The following DAW1 variants were observed in gnomAD, a reference collection of about 807,000 sequenced individuals.
DAW1 encodes dynein assembly factor with WD repeats 1.
DAW1 carries 47 observed loss-of-function variants against 56.5 expected under a neutral mutation model. The observed-to-expected ratio is 0.83, with a 90% confidence interval of 0.66 to 1.06. The LOEUF (loss-of-function observed/expected upper bound fraction) is 1.06, where lower values mean the gene tolerates loss of function less well. Ranked by LOEUF, DAW1 falls within the 50% of genes least tolerant of loss-of-function variation. The pLI is 0.00. For missense variants in DAW1, 505 were observed against 499.3 expected, an observed-to-expected ratio of 1.01 and a Z score of -0.11; for synonymous variants, 190 against 179.0, an observed-to-expected ratio of 1.06 and a Z score of -0.49.
Position 227,904,948 on chromosome 2 carries a change from T to C in DAW1, c.668T>C (p.Ile223Thr). The change falls in exon 8 of 13, where the codon ATC (isoleucine) becomes ACC (threonine). Residue 223 changes from isoleucine (I) to threonine (T), a missense_variant. By Grantham distance (89) the Ile-to-Thr change is moderately conservative (BLOSUM62 -1). Coordinates refer to ENST00000309931, the MANE Select transcript of DAW1 (RefSeq NM_178821.3). ...TTCTAGGGACATTCTGCCGAAATCA[T>C]CTCCTTGTCATTTAACACCTCAGGA... ...YTLRGHSAEI[I>T]SLSFNTSGDR... is the part of the protein sequence containing the mutation. 6.2e-7 allele frequency: 1 copy of C among 1,613,388 alleles called. No individual in the cohort carries two copies. Among genetic ancestry groups the C allele is most frequent in the Admixed American group, 1.7e-5 (1 of 59,964 alleles).
intron 10 of DAW1, among the ~76,000 whole-genome samples, chr2:227,913,871 A>ATATC (rs559993251): frequency 0.019 from 2,788 of 143,352 alleles, 35 homozygotes; most frequent in East Asian, 0.028. Flanking sequence ...GACAGTCATC[A>ATATC]TATCTATCTA....
In DAW1 at chr2:227,903,042, C is replaced by A; in HGVS notation, c.581C>A (p.Thr194Asn). ...SFNPQSTLVA[T>N]GSMDTTAKLW... is the part of the protein sequence containing the mutation. ...AACCCTCAAAGCACATTGGTGGCGA[C>A]TGGAAGTATGGACACAACAGCCAAA... Residue 194 changes from threonine (T) to asparagine (N), a missense_variant, in exon 7 of 13, where the codon ACT becomes AAT. Physicochemically the swap from Thr to Asn is moderately conservative, Grantham distance 65 (BLOSUM62 0). Transcript: ENST00000309931. 6.2e-7 allele frequency: 1 copy of A among 1,614,150 alleles called. No individual in the cohort carries two copies. The highest frequency in any genetic ancestry group is 8.5e-7 in the Non-Finnish European group (1 of 1,180,020).
At position 227,911,264 on chromosome 2, in the gene DAW1, A is replaced by ATG. The variant is rs1225163883; in HGVS notation, c.973+4013_973+4014insGT. Among the ~76,000 whole-genome samples the ATG allele has an allele frequency of 1.0e-3, 152 of 146,186 alleles. 10 individuals carry two copies. Among genetic ancestry groups the ATG allele is most frequent in the Middle Eastern group, 3.6e-3 (1 of 278 alleles). On this transcript the variant is annotated intron_variant, in intron 10 of 12. Transcript: ENST00000309931. ...CATATATACATATATACACGTGTAT[A>ATG]TACACATATACACGTGTATATATAC...
chr2:227,872,915 C>G (rs990604509), intron 1 of DAW1, among the ~76,000 whole-genome samples: 16 of 152,146 alleles, frequency 1.1e-4, no homozygotes, highest in African/African-American at 3.9e-4. Flanking sequence ...TCATCTCCTA[C>G]AATCCATCTG....
chr2:227,914,307 C>A (rs1206280135), intron 10 of DAW1, among the ~76,000 whole-genome samples: 2 of 152,032 alleles, frequency 1.3e-5, no homozygotes, highest in African/African-American at 4.8e-5. Flanking sequence ...AACTTGATAA[C>A]CGTGGCTGGT....
At chr2:227,910,713 A>C (rs1236602709) in intron 10 of DAW1, among the ~76,000 whole-genome samples, 1 of 152,136 alleles carries the variant, frequency 6.6e-6, no homozygotes, top group Admixed American at 6.6e-5. Context: ...ATTAATCTCC[A>C]GGACCTACAA....
intron 2 of DAW1, among the ~76,000 whole-genome samples, chr2:227,885,991 T>TTTTG (rs3057652): frequency 6.7e-6 from 1 of 149,804 alleles, no homozygotes; most frequent in African/African-American, 2.4e-5. Flanking sequence ...TTTTTTTTTT[T>TTTTG]GAGACAGAGT....
chr2:227,886,621 A>G (rs1278090438), intron 2 of DAW1, among the ~76,000 whole-genome samples: 1 of 152,182 alleles, frequency 6.6e-6, no homozygotes, highest in Admixed American at 6.5e-5. Context: ...TGTCTTTAAA[A>G]AAAAAGAAAA....
chr2:227,906,848 CAGTAA>C (rs1691695520), intron 9 of DAW1, among the ~76,000 whole-genome samples: 2 of 152,204 alleles, frequency 1.3e-5, no homozygotes, highest in Non-Finnish European at 2.9e-5. Flanking sequence ...CTTCACCAAC[CAGTAA>C]AGCATACACG....
At chr2:227,918,050 C>T (rs78767175) in intron 10 of DAW1, among the ~76,000 whole-genome samples, 2,258 of 152,182 alleles carry the variant, frequency 0.015, 61 homozygotes, top group African/African-American at 0.046. Flanking sequence ...TTTTCACTTT[C>T]AATACTTATT....
At chr2:227,892,343 A>G (rs1691285082) in intron 4 of DAW1, among the ~76,000 whole-genome samples, 1 of 152,138 alleles carries the variant, frequency 6.6e-6, no homozygotes, top group Non-Finnish European at 1.5e-5. Flanking sequence ...CATGTTGGTC[A>G]GGCTGGTCTC....
intron 1 of DAW1, among the ~76,000 whole-genome samples, chr2:227,874,555 G>T (rs1690833011): frequency 6.6e-6 from 1 of 152,146 alleles, no homozygotes; most frequent in African/African-American, 2.4e-5. Context: ...TGGCTTCCAG[G>T]ACACATATTC....
chr2:227,923,636 C>T lies in DAW1; in HGVS notation c.1214-298C>T, dbSNP rs184047707. Among the ~76,000 whole-genome samples the T allele has an allele frequency of 4.6e-5, 7 of 152,076 alleles. No homozygotes were observed. The East Asian group carries it at 1.4e-3, about 29-fold the overall frequency. On this transcript the variant is annotated intron_variant, in intron 12 of 12. Transcript: ENST00000309931. ...TTTGAGGGGACGGCAGAGGGGATGG[C>T]TGAGGTGGCTGCATTCTCAAGTTCT...
chr2:227,893,713 T>C, intron 4 of DAW1, 82 bp from the exon 5 acceptor site: 14 of 1,525,724 alleles, frequency 9.2e-6, no homozygotes, highest in Non-Finnish European at 1.2e-5. Context: ...TAAATAGAGT[T>C]ATTATCCTAC....
intron 10 of DAW1, among the ~76,000 whole-genome samples, chr2:227,907,872 A>G (rs565326688): frequency 6.6e-6 from 1 of 152,282 alleles, no homozygotes; most frequent in South Asian, 2.1e-4. Flanking sequence ...ATATGATGTT[A>G]CCCTATGTTG....
chr2:227,891,314 G>A lies in DAW1; in HGVS notation c.317+1G>A. ...TTGCACTTAACAAATCGGGCTCATG[G>A]TAAGATTCTCTTTTTATGTCTAATT... On this transcript the variant is annotated splice_donor_variant, in intron 4 of 12. Coordinates refer to ENST00000309931, the MANE Select transcript of DAW1 (RefSeq NM_178821.3). LOFTEE classifies it high-confidence loss of function. 1 of 1,612,638 alleles carries A rather than the reference G, an allele frequency of 6.2e-7. No homozygotes were observed.
At position 227,903,057 on chromosome 2, in the gene DAW1, C is replaced by A. The variant is rs145956341; in HGVS notation, c.596C>A (p.Thr199Lys). 1,482 of 1,614,134 alleles carry A rather than the reference C, an allele frequency of 9.2e-4. 26 individuals carry two copies. In the South Asian group the frequency reaches 0.013, roughly 14 times the overall value. The change falls in exon 7 of 13, where the codon ACA (threonine) becomes AAA (lysine). Residue 199 changes from threonine to lysine, a missense_variant. By Grantham distance (78) the Thr-to-Lys change is moderately conservative. Coordinates refer to ENST00000309931, the MANE Select transcript of DAW1 (RefSeq NM_178821.3). ...TTGGTGGCGACTGGAAGTATGGACACAACAGCCAAATTGTGGGACATTCAG... is the reference window on the plus strand; with the variant it reads ...TTGGTGGCGACTGGAAGTATGGACAAAACAGCCAAATTGTGGGACATTCAG... ...STLVATGSMD[T>K]TAKLWDIQNG...
In DAW1 at chr2:227,919,220, A is replaced by G. The variant is rs981950330; in HGVS notation, c.1050+364A>G. ...AGAAAAAAAAAAAAGAAAAAAAAAA[A>G]AAAAGCATGCTCAGTATAAATAGGT... On this transcript the variant is annotated intron_variant, in intron 11 of 12. Coordinates refer to ENST00000309931, the MANE Select transcript of DAW1 (RefSeq NM_178821.3). 5.7e-4 allele frequency among the ~76,000 whole-genome samples: 86 copies of G among 151,984 alleles called. No individual in the cohort carries two copies. The East Asian group carries it at 0.015, about 27-fold the overall frequency.
intron 12 of DAW1, among the ~76,000 whole-genome samples, chr2:227,921,879 TAGTC>T (rs1692119087): frequency 6.6e-6 from 1 of 152,204 alleles, no homozygotes; most frequent in Admixed American, 6.5e-5. Context: ...GGTTAATATT[TAGTC>T]AGCCAGGCGC....
Sources: allele counts gnomAD v4.1 joint callset (sites outside exome capture counted in the v4.1 genomes callset), GRCh38; gene constraint gnomAD v4.1.1; transcripts MANE v1.5; gene names NCBI Gene and HGNC (gene_info 2026-07-23, HGNC 2026-07-21).